The following INSL6 variants were observed in gnomAD, a reference collection of about 807,000 sequenced individuals.
The protein encoded by INSL6 is insulin like 6.
In INSL6, 16 loss-of-function variants were observed where a neutral mutation model predicts 9.4. That is an observed-to-expected ratio of 1.70 (90% CI 1.15 to 2.59). INSL6 has a LOEUF of 2.59. INSL6 is among the 30% of genes most tolerant of loss of function. The pLI, the probability that INSL6 is intolerant of heterozygous loss-of-function variation, is 0.00. For missense variants in INSL6, 391 were observed against 257.3 expected (o/e 1.52, Z -3.56); for synonymous variants, 154 against 96.9 (o/e 1.59, Z -3.46).
the INSL6 span, among the ~76,000 whole-genome samples, chr9:5,006,393 G>A: frequency 6.5e-3 from 985 of 152,254 alleles, 9 homozygotes; most frequent in African/African-American, 0.022. Flanking sequence ...ATTTTGGGCT[G>A]AGACAATGGG....
the INSL6 span, among the ~76,000 whole-genome samples, chr9:5,095,991 A>C: frequency 6.6e-6 from 1 of 152,200 alleles, no homozygotes; most frequent in South Asian, 2.1e-4. Context: ...CTTTACCTCC[A>C]TTAACAGGAT....
At chr9:5,072,357 A>C in the INSL6 span, 1 of 567,218 alleles carries the variant, frequency 1.8e-6, no homozygotes, top group South Asian at 3.7e-5. Flanking sequence ...TTGGAGTCTT[A>C]AATCTGGATT....
intron 1 of INSL6, 63 bp from the exon 2 acceptor site, chr9:5,164,328 T>C: frequency 9.7e-7 from 1 of 1,025,840 alleles, no homozygotes; most frequent in Non-Finnish European, 1.5e-6. Context: ...GAAAATTTAA[T>C]ATTGGAACAG....
chr9:5,022,797 A>G, the INSL6 span, among the ~76,000 whole-genome samples: 3 of 152,212 alleles, frequency 2.0e-5, no homozygotes, highest in African/African-American at 4.8e-5. Context: ...TGAGGTTACT[A>G]TAGAGCCTAC....
chr9:5,022,972 A>G, the INSL6 span, among the ~76,000 whole-genome samples: 1 of 152,254 alleles, frequency 6.6e-6, no homozygotes, highest in African/African-American at 2.4e-5. Flanking sequence ...TAAGATCAGT[A>G]TAGGTCAGAA....
intron 3 of INSL6, chr9:5,126,159 T>A: frequency 2.0e-6 from 1 of 506,522 alleles, no homozygotes; most frequent in Non-Finnish European, 3.5e-6. Flanking sequence ...TTATAGAAGT[T>A]CCATATTTAA....
At chr9:5,047,725 G>A in the INSL6 span, among the ~76,000 whole-genome samples, 3 of 152,122 alleles carry the variant, frequency 2.0e-5, no homozygotes, top group Non-Finnish European at 4.4e-5. Flanking sequence ...AGCCTCCTGA[G>A]TAGCTAGGTA....
chr9:5,153,575 A>AC (rs1288758204), intron 2 of INSL6, among the ~76,000 whole-genome samples: 1 of 151,988 alleles, frequency 6.6e-6, no homozygotes, highest in Non-Finnish European at 1.5e-5. Context: ...TATTTAGAAA[A>AC]CCCCATCGTC....
At chr9:5,039,740 A>T in the INSL6 span, among the ~76,000 whole-genome samples, 1 of 152,164 alleles carries the variant, frequency 6.6e-6, no homozygotes, top group Non-Finnish European at 1.5e-5. Flanking sequence ...TAACAATAGC[A>T]TAACAAATTT....
chr9:5,042,369 C>G, the INSL6 span, among the ~76,000 whole-genome samples: 18 of 151,436 alleles, frequency 1.2e-4, no homozygotes, highest in Admixed American at 1.2e-3. Flanking sequence ...GATCTCCTGA[C>G]CTCATGATCC....
the INSL6 span, among the ~76,000 whole-genome samples, chr9:4,993,585 A>G: frequency 1.6e-3 from 248 of 152,292 alleles, no homozygotes; most frequent in Non-Finnish European, 2.9e-3. Context: ...TTGCCCTAGT[A>G]TGTAACAAGG....
chr9:5,035,427 C>T, the INSL6 span, among the ~76,000 whole-genome samples: 2 of 152,074 alleles, frequency 1.3e-5, no homozygotes, highest in African/African-American at 4.8e-5. Flanking sequence ...AGAGACACAA[C>T]CAAAAAGGAG....
the INSL6 span, among the ~76,000 whole-genome samples, chr9:5,113,131 G>A: frequency 6.8e-6 from 1 of 147,488 alleles, no homozygotes; most frequent in African/African-American, 2.5e-5. Flanking sequence ...ATGTCACCCT[G>A]TGACCTGCCC....
the INSL6 span, among the ~76,000 whole-genome samples, chr9:4,995,510 A>C: frequency 6.6e-6 from 1 of 152,192 alleles, no homozygotes; most frequent in Non-Finnish European, 1.5e-5. Context: ...TTGTCAGATA[A>C]TCCTTCTTTT....
intron 3 of INSL6, among the ~76,000 whole-genome samples, chr9:5,124,574 G>A (rs1216663520): frequency 2.0e-5 from 3 of 151,536 alleles, no homozygotes; most frequent in Non-Finnish European, 4.4e-5. Flanking sequence ...AATTCATAGG[G>A]AACCAAAAAG....
At chr9:5,069,323 T>TA in the INSL6 span, 1 of 652,526 alleles carries the variant, frequency 1.5e-6, no homozygotes. Flanking sequence ...CTCTAAAAGT[T>TA]AATTTTATCT....
downstream of INSL6, among the ~76,000 whole-genome samples, chr9:5,121,376 T>C (rs1450715759): frequency 6.6e-6 from 1 of 152,204 alleles, no homozygotes; most frequent in African/African-American, 2.4e-5. Flanking sequence ...ACAGCACTAT[T>C]TGCCACATAC....
Position 5,124,685 on chromosome 9 carries a change from G to A in INSL6, c.*11-174C>T, listed in dbSNP as rs548946302. The stretch of plus-strand genomic sequence containing the variant: ...TTATAAGGCTACAGTAACCAAAGCA[G>A]CATGGTACTCATATAAAAAACAAAC... On this transcript the variant is annotated intron_variant, in intron 3 of 3. Coordinates refer to the INSL6 transcript ENST00000649639. 1.9e-4 allele frequency among the ~76,000 whole-genome samples: 29 copies of A among 151,856 alleles called. No homozygotes were observed. In the East Asian group the frequency reaches 5.0e-3, roughly 26 times the overall value.
chr9:5,034,774 C>G, the INSL6 span, among the ~76,000 whole-genome samples: 6 of 152,008 alleles, frequency 3.9e-5, no homozygotes, highest in South Asian at 4.2e-4. Context: ...TAAAGGCCCA[C>G]AAGAGAAAGC....
Sources: allele counts gnomAD v4.1 joint callset (sites outside exome capture counted in the v4.1 genomes callset), GRCh38; gene constraint gnomAD v4.1.1; transcripts MANE v1.5; gene names NCBI Gene and HGNC (gene_info 2026-07-23, HGNC 2026-07-21).